The following ZNF385D variants were observed in gnomAD, a reference collection of about 807,000 sequenced individuals.
ZNF385D encodes the protein zinc finger protein 385D, also known as zinc finger protein 659.
A neutral mutation model predicts 35.8 loss-of-function variants in ZNF385D; 15 were observed. The ratio of observed to expected loss-of-function variants is 0.42; its 90% CI spans 0.28 to 0.64. The LOEUF (loss-of-function observed/expected upper bound fraction) is 0.64. Ranked by LOEUF, ZNF385D falls within the 30% of genes least tolerant of loss-of-function variation. The pLI, the probability that ZNF385D is intolerant of heterozygous loss-of-function variation, is 0.23. For synonymous variants in ZNF385D, 212 were observed against 186.8 expected, an observed-to-expected ratio of 1.13 and a Z score of -1.10; for missense variants, 474 against 494.6, an observed-to-expected ratio of 0.96 and a Z score of 0.39.
chr3:22,350,064 CT>C (rs1366474984), intron 2 of ZNF385D, among the ~76,000 whole-genome samples: 1 of 152,076 alleles, frequency 6.6e-6, no homozygotes, highest in Non-Finnish European at 1.5e-5. Flanking sequence ...TTTGGTAGAA[CT>C]TTCTAAAGTT....
intron 2 of ZNF385D, among the ~76,000 whole-genome samples, chr3:22,295,201 C>A (rs1008309880): frequency 6.6e-6 from 1 of 152,098 alleles, no homozygotes; most frequent in Non-Finnish European, 1.5e-5. Flanking sequence ...AAAGATTTAA[C>A]AGTCTTTCAG....
At chr3:22,225,309 G>T (rs1698488963) in intron 2 of ZNF385D, among the ~76,000 whole-genome samples, 1 of 152,120 alleles carries the variant, frequency 6.6e-6, no homozygotes, top group African/African-American at 2.4e-5. Flanking sequence ...GCACTAGCCT[G>T]AGGTCCATTT....
At chr3:21,504,383 C>A (rs1706616984) in intron 4 of ZNF385D, among the ~76,000 whole-genome samples, 1 of 152,118 alleles carries the variant, frequency 6.6e-6, no homozygotes, top group Non-Finnish European at 1.5e-5. Context: ...AACCGCTGTT[C>A]TTTCGTGAAA....
intron 2 of ZNF385D, among the ~76,000 whole-genome samples, chr3:22,193,507 G>A (rs577646205): frequency 1.3e-5 from 2 of 152,118 alleles, no homozygotes; most frequent in Admixed American, 6.6e-5. Context: ...AAAAATATGG[G>A]TTAAATGAAT....
chr3:22,347,973 A>C (rs1695734619), intron 2 of ZNF385D, among the ~76,000 whole-genome samples: 1 of 152,172 alleles, frequency 6.6e-6, no homozygotes, highest in South Asian at 2.1e-4. Context: ...AATATGAATA[A>C]ATTCCTGAAG....
intron 1 of ZNF385D, among the ~76,000 whole-genome samples, chr3:21,732,272 G>A (rs1014860571): frequency 6.6e-6 from 1 of 151,656 alleles, no homozygotes; most frequent in African/African-American, 2.4e-5. Context: ...GTCTGGTCTG[G>A]AACTCCTGAC....
intron 3 of ZNF385D, among the ~76,000 whole-genome samples, chr3:21,983,110 G>T (rs1694587665): frequency 6.8e-6 from 1 of 147,374 alleles, no homozygotes; most frequent in African/African-American, 2.4e-5. Flanking sequence ...CTCATAGAAT[G>T]AATTGGGGAG....
intron 3 of ZNF385D, among the ~76,000 whole-genome samples, chr3:21,794,000 T>C (rs1054638922): frequency 5.3e-5 from 8 of 152,094 alleles, no homozygotes; most frequent in Non-Finnish European, 7.3e-5. Context: ...CTACTCTCCA[T>C]ACCACTCATC....
chr3:21,921,788 A>G (rs78693062), intron 3 of ZNF385D, among the ~76,000 whole-genome samples: 80,077 of 150,312 alleles, frequency 0.53, 23,373 homozygotes, highest in South Asian at 0.66. Flanking sequence ...GATTGAATCA[A>G]GAAGAATTTG....
chr3:21,999,429 A>G (rs925537926), intron 3 of ZNF385D, among the ~76,000 whole-genome samples: 2 of 152,192 alleles, frequency 1.3e-5, no homozygotes, highest in Middle Eastern at 3.4e-3. Context: ...GATTTAAATG[A>G]TTTGCGAGTA....
At chr3:21,649,241 T>G (rs1484083862) in intron 2 of ZNF385D, among the ~76,000 whole-genome samples, 9 of 152,182 alleles carry the variant, frequency 5.9e-5, no homozygotes, top group African/African-American at 2.2e-4. Context: ...CTTAAAAGTA[T>G]GTGCACATAT....
intron 3 of ZNF385D, among the ~76,000 whole-genome samples, chr3:22,150,369 G>C (rs555670485): frequency 6.6e-6 from 1 of 151,940 alleles, no homozygotes; most frequent in South Asian, 2.1e-4. Flanking sequence ...ACATTCTTCA[G>C]TGAGAAAGAG....
At chr3:21,963,840 C>T (rs1702732627) in intron 3 of ZNF385D, among the ~76,000 whole-genome samples, 1 of 151,750 alleles carries the variant, frequency 6.6e-6, no homozygotes, top group African/African-American at 2.4e-5. Context: ...AAATAATGGC[C>T]CTGGTGATGA....
intron 3 of ZNF385D, among the ~76,000 whole-genome samples, chr3:22,036,968 T>C (rs943848817): frequency 1.3e-5 from 2 of 150,336 alleles, no homozygotes; most frequent in African/African-American, 4.9e-5. Context: ...TGGTGTTTGG[T>C]TTTTTGTCCC....
At chr3:21,802,807 G>A (rs938920024) in intron 3 of ZNF385D, among the ~76,000 whole-genome samples, 2 of 152,098 alleles carry the variant, frequency 1.3e-5, no homozygotes, top group African/African-American at 4.8e-5. Flanking sequence ...GTCTAACTGG[G>A]CAGGTTAATA....
At chr3:22,039,982 A>G (rs1208532391) in intron 3 of ZNF385D, among the ~76,000 whole-genome samples, 1 of 152,170 alleles carries the variant, frequency 6.6e-6, no homozygotes, top group African/African-American at 2.4e-5. Flanking sequence ...AAGGAGGATC[A>G]TGAGGCTGAA....
intron 1 of ZNF385D, among the ~76,000 whole-genome samples, chr3:21,711,247 T>C (rs2125414459): frequency 6.6e-6 from 1 of 151,974 alleles, no homozygotes; most frequent in South Asian, 2.1e-4. Flanking sequence ...TTCACCGTGT[T>C]AGCCAGGATG....
At chr3:22,284,621 A>G (rs1367120789) in intron 2 of ZNF385D, among the ~76,000 whole-genome samples, 1 of 152,108 alleles carries the variant, frequency 6.6e-6, no homozygotes, top group African/African-American at 2.4e-5. Flanking sequence ...TAATTTCAAA[A>G]GTACAGCTGT....
intron 2 of ZNF385D, among the ~76,000 whole-genome samples, chr3:22,211,772 T>C (rs1697542348): frequency 6.6e-6 from 1 of 151,970 alleles, no homozygotes; most frequent in South Asian, 2.1e-4. Flanking sequence ...GTCATATTTC[T>C]TGACTACACT....
Sources: allele counts gnomAD v4.1 joint callset (sites outside exome capture counted in the v4.1 genomes callset), GRCh38; gene constraint gnomAD v4.1.1; transcripts MANE v1.5; gene names NCBI Gene and HGNC (gene_info 2026-07-23, HGNC 2026-07-21).